RFX7: variants seen among roughly 807,000 people sequenced by gnomAD.
RFX7 encodes DNA-binding protein RFX7.
In RFX7, 26 loss-of-function variants were observed where a neutral mutation model predicts 111.8. The ratio of observed to expected loss-of-function variants is 0.23; its 90% CI spans 0.17 to 0.32. The LOEUF is 0.32. Among genes scored for constraint, RFX7 ranks in the 10% least tolerant of loss-of-function variants. RFX7 has a pLI of 1.00. For synonymous variants in RFX7, 624 were observed against 624.4 expected (o/e 1.00, Z 0.01); for missense variants, 1,573 against 1,772.9 (o/e 0.89, Z 2.02).
intron 3 of RFX7, among the ~76,000 whole-genome samples, chr15:56,154,512 G>A (rs1390916287): frequency 6.6e-6 from 1 of 152,074 alleles, no homozygotes; most frequent in African/African-American, 2.4e-5. Context: ...ACAAACCTGA[G>A]AAAAACAAGC....
intron 2 of RFX7, among the ~76,000 whole-genome samples, chr15:56,239,314 A>C (rs1347853543): frequency 6.7e-6 from 1 of 149,526 alleles, no homozygotes; most frequent in Admixed American, 6.7e-5. Flanking sequence ...TGTTGCCCAG[A>C]CTGGAGTGCA....
chr15:56,094,992 C>T lies in RFX7; in HGVS notation c.2736G>A (p.Met912Ile). Reference sequence around the variant, plus strand: ...GAGTTACTGACTGACTCTGAAGGGTCATTCCCAAACAGTTGCCGTAAGAAT... The same window carrying T: ...GAGTTACTGACTGACTCTGAAGGGTTATTCCCAAACAGTTGCCGTAAGAAT... ...NSHSYGNCLG[M>I]TLQSQSVTPG... The change falls in exon 10 of 10, where the codon ATG becomes ATA. Residue 912 changes from methionine to isoleucine, a missense_variant. Physicochemically the swap from Met to Ile is conservative, Grantham distance 10. Around this residue, in one of 7 missense-constraint regions of RFX7, gnomAD observed 625 missense variants for 632.2 expected, o/e 0.99. Coordinates refer to ENST00000559447, the MANE Select transcript of RFX7 (RefSeq NM_022841.7). The T allele has an allele frequency of 1.2e-6, 2 of 1,612,470 alleles. No homozygotes were observed. The highest frequency in any genetic ancestry group is 1.3e-5 in the African/African-American group (1 of 74,990).
chr15:56,243,017 T>C (rs961827705), intron 2 of RFX7, 108 bp downstream of exon 2: 9 of 767,484 alleles, frequency 1.2e-5, no homozygotes, highest in East Asian at 1.3e-4. Flanking sequence ...CCACATTCAA[T>C]GAATGCATCA....
intron 5 of RFX7, among the ~76,000 whole-genome samples, chr15:56,127,191 G>A (rs1339281849): frequency 6.6e-6 from 1 of 151,844 alleles, no homozygotes; most frequent in Non-Finnish European, 1.5e-5. Flanking sequence ...TGAAGGAAAA[G>A]GAAATTCACA....
At chr15:56,167,660 T>C (rs1682195217) in intron 3 of RFX7, among the ~76,000 whole-genome samples, 2 of 152,196 alleles carry the variant, frequency 1.3e-5, no homozygotes, top group African/African-American at 4.8e-5. Context: ...AACAAAAAAA[T>C]CTATTCATAT....
chr15:56,125,601 G>C (rs1459263051), intron 5 of RFX7, among the ~76,000 whole-genome samples: 3 of 88,136 alleles, frequency 3.4e-5, no homozygotes, highest in Non-Finnish European at 6.9e-5. Context: ...GGTTTCTTCT[G>C]TGTGTGTGAG....
chr15:56,201,810 C>T lies in RFX7; in HGVS notation c.162-22507G>A, dbSNP rs1259825641. Among the ~76,000 whole-genome samples, 3 of 152,070 alleles carry T rather than the reference C, an allele frequency of 2.0e-5. No homozygotes were observed. In the East Asian group the frequency reaches 5.8e-4, roughly 29 times the overall value. ...CTTTGGGAGGCCGAGATGGGCAGAT[C>T]ACGAGGTCAGGAGATTGAGACCATC... On this transcript the variant is annotated intron_variant, in intron 2 of 9. Coordinates refer to ENST00000559447, the MANE Select transcript of RFX7 (RefSeq NM_022841.7).
chr15:56,178,180 CA>C (rs2042923959), intron 3 of RFX7, among the ~76,000 whole-genome samples: 7 of 138,402 alleles, frequency 5.1e-5, no homozygotes, highest in African/African-American at 1.9e-4. Context: ...CACACACACA[CA>C]CACACACACA....
chr15:56,135,064 G>A (rs1470648541), intron 5 of RFX7, among the ~76,000 whole-genome samples: 248 of 152,258 alleles, frequency 1.6e-3, no homozygotes, highest in Non-Finnish European at 2.5e-3. Flanking sequence ...GAATAATGCT[G>A]CAATAAACAT....
intron 2 of RFX7, among the ~76,000 whole-genome samples, chr15:56,227,632 A>G (rs933917805): frequency 2.0e-5 from 3 of 152,168 alleles, no homozygotes. Context: ...CAAGTACCTT[A>G]GAGTATTCTC....
Position 56,230,158 on chromosome 15 carries a change from A to G in RFX7, c.161+12967T>C, listed in dbSNP as rs143092591. The stretch of plus-strand genomic sequence containing the variant: ...AATGTTAAGGGGTCTTTAAAATTCC[A>G]AGTTTATCTCTTGGGAACTAGGCTG... On this transcript the variant is annotated intron_variant, in intron 2 of 9. Coordinates refer to ENST00000559447, the MANE Select transcript of RFX7 (RefSeq NM_022841.7). Among the ~76,000 whole-genome samples, 622 of 152,296 alleles carry G rather than the reference A, an allele frequency of 4.1e-3. 1 individual carries two copies. Among genetic ancestry groups the G allele is most frequent in the Non-Finnish European group, 6.7e-3 (456 of 68,022 alleles).
intron 5 of RFX7, among the ~76,000 whole-genome samples, chr15:56,119,067 C>T (rs1406408894): frequency 6.6e-6 from 1 of 151,842 alleles, no homozygotes; most frequent in Non-Finnish European, 1.5e-5. Context: ...GTTGTTTGAG[C>T]TCCTTCTATA....
rs146360556 is a variant in RFX7 at position 56,200,841 on chromosome 15, A to C, written c.162-21538T>G. ...GTGTCAGAGATAAGGCAGATCTTTAAATTGAGAAAAACAAGAGGATAAATG... is the reference window on the plus strand; with the variant it reads ...GTGTCAGAGATAAGGCAGATCTTTACATTGAGAAAAACAAGAGGATAAATG... On this transcript the variant is annotated intron_variant, in intron 2 of 9. Transcript: ENST00000559447. 7.6e-3 allele frequency among the ~76,000 whole-genome samples: 1,164 copies of C among 152,292 alleles called. 6 individuals carry two copies. The highest frequency in any genetic ancestry group is 0.012 in the Non-Finnish European group (790 of 68,018).
At chr15:56,193,828 T>C (rs2043122039) in intron 2 of RFX7, among the ~76,000 whole-genome samples, 1 of 152,148 alleles carries the variant, frequency 6.6e-6, no homozygotes, top group Admixed American at 6.5e-5. Flanking sequence ...TGAAGCTAGA[T>C]AAAGCTTTCT....
intron 8 of RFX7, among the ~76,000 whole-genome samples, 153 bp downstream of exon 8, chr15:56,101,206 A>C (rs2041747387): frequency 6.6e-6 from 1 of 152,174 alleles, no homozygotes; most frequent in African/African-American, 2.4e-5. Flanking sequence ...TTGGCTCAAC[A>C]GACCCATCTG....
In RFX7 at chr15:56,243,253, C is replaced by T. The variant is rs771109013; in HGVS notation, c.33G>A (p.Gln11=). The T allele has an allele frequency of 1.6e-6, 2 of 1,281,298 alleles. No individual in the cohort carries two copies. Among genetic ancestry groups the T allele is most frequent in the Non-Finnish European group, 2.0e-6 (2 of 981,666 alleles). 79.4% of individuals were successfully genotyped at this position (1,281,298 alleles called of 1,614,324 possible). MAEEQQQPPP[Q]QPDAHQQLPP... is the part of the protein sequence containing the mutation. ...GAAGCTGCTGATGGGCATCAGGCTG[C>T]TGTGGTGGCGGCTGTTGTTGTTCCT... The change falls in exon 2 of 10, where the codon CAG becomes CAA. Residue 11 remains glutamine (Q), a synonymous_variant. Transcript: ENST00000559447.
rs548677405 is a variant in RFX7 at position 56,095,969 on chromosome 15, C to T, written c.1759G>A (p.Val587Ile). The T allele has an allele frequency of 1.9e-6, 3 of 1,610,246 alleles. No individual in the cohort carries two copies. The highest frequency in any genetic ancestry group is 2.5e-6 in the Non-Finnish European group (3 of 1,179,566). Residue 587 changes from valine to isoleucine, a missense_variant, in exon 10 of 10, where the codon GTC becomes ATC. Coordinates refer to ENST00000559447, the MANE Select transcript of RFX7 (RefSeq NM_022841.7). ...GALQKPSNEG[V>I]IEIKATKVCD... is the part of the protein sequence containing the mutation. ...ACCTTAGTTGCTTTTATTTCAATGACACCTTCATTTGAAGGTTTCTGCAGT... is the reference window on the plus strand; with the variant it reads ...ACCTTAGTTGCTTTTATTTCAATGATACCTTCATTTGAAGGTTTCTGCAGT...
chr15:56,161,716 C>T (rs188015136), intron 3 of RFX7, among the ~76,000 whole-genome samples: 135 of 152,012 alleles, frequency 8.9e-4, no homozygotes, highest in African/African-American at 3.2e-3. Context: ...GTAGAAAGTA[C>T]CGTAGTATCA....
intron 2 of RFX7, among the ~76,000 whole-genome samples, chr15:56,200,360 T>G (rs1174600869): frequency 6.6e-6 from 1 of 152,152 alleles, no homozygotes; most frequent in Non-Finnish European, 1.5e-5. Context: ...TTTTTGTTAT[T>G]GTTTAAGTTT....
Sources: allele counts gnomAD v4.1 joint callset (sites outside exome capture counted in the v4.1 genomes callset), GRCh38; gene constraint gnomAD v4.1.1; regional missense constraint gnomAD v4.1.1; transcripts MANE v1.5; gene names NCBI Gene and HGNC (gene_info 2026-07-23, HGNC 2026-07-21).